RPUSD4: variants seen among roughly 807,000 people sequenced by gnomAD.
RPUSD4 encodes pseudouridylate synthase RPUSD4, mitochondrial.
In RPUSD4, 37 loss-of-function variants were observed where a neutral mutation model predicts 35.4. That is an observed-to-expected ratio of 1.04 (90% CI 0.80 to 1.37). The LOEUF (loss-of-function observed/expected upper bound fraction) is 1.37. RPUSD4 is among the 40% of genes most tolerant of loss of function. The pLI is 0.00. For missense variants in RPUSD4, 507 were observed against 484.9 expected, an observed-to-expected ratio of 1.05 and a Z score of -0.43; for synonymous variants, 210 against 192.7, an observed-to-expected ratio of 1.09 and a Z score of -0.74.
rs1404086529 is a variant in RPUSD4 at position 126,202,439 on chromosome 11, C to T, written c.*979G>A. ...GATTTTTGATTTTTTAATGGCAGCA[C>T]TCTCATAACTACATTCACGGACCAA... On this transcript the variant is annotated 3_prime_UTR_variant, in exon 7 of 7. Coordinates refer to ENST00000298317, the MANE Select transcript of RPUSD4 (RefSeq NM_032795.3). 6.6e-6 allele frequency: 1 copy of T among 152,166 alleles called. No homozygotes were observed. 9.4% of individuals were successfully genotyped at this position (152,166 alleles called of 1,614,324 possible).
chr11:126,204,238 G>T lies in RPUSD4; in HGVS notation c.887C>A (p.Ala296Asp). 6.2e-7 allele frequency: 1 copy of T among 1,611,974 alleles called. No individual in the cohort carries two copies. Among genetic ancestry groups the T allele is most frequent in the Non-Finnish European group, 8.5e-7 (1 of 1,178,530 alleles). Residue 296 changes from alanine (A) to aspartate (D), a missense_variant, in exon 6 of 7, where the codon GCC becomes GAC. Physicochemically the swap from Ala to Asp is moderately radical, Grantham distance 126. Coordinates refer to ENST00000298317, the MANE Select transcript of RPUSD4 (RefSeq NM_032795.3). ...DHKYSDWNRL[A>D]PQKLSVGTLK... ...GGGTCAAATTAGTATTACCTGGGGG[G>T]CCAACCTATTCCAGTCTGAGTACTT... is the stretch of plus-strand genomic sequence containing the variant.
At chr11:126,205,307 T>C (rs1263700951) in intron 5 of RPUSD4, among the ~76,000 whole-genome samples, 161 bp downstream of exon 5, 1 of 152,230 alleles carries the variant, frequency 6.6e-6, no homozygotes, top group Non-Finnish European at 1.5e-5. Context: ...ATTCTTCTGC[T>C]AGCCACAACC....
intron 3 of RPUSD4, chr11:126,208,987 A>C (rs1949808299): frequency 6.6e-6 from 1 of 152,168 alleles, no homozygotes; most frequent in Non-Finnish European, 1.5e-5. Flanking sequence ...TACTTGTATA[A>C]TTAATTAATT....
intron 3 of RPUSD4, among the ~76,000 whole-genome samples, chr11:126,207,936 A>C (rs1949790476): frequency 6.6e-6 from 1 of 152,228 alleles, no homozygotes; most frequent in African/African-American, 2.4e-5. Context: ...GTCTGTTCCC[A>C]AAAGGGAAAC....
chr11:126,209,634 C>T lies in RPUSD4; in HGVS notation c.444G>A (p.Leu148=). The change falls in exon 3 of 7, where the codon CTG becomes CTA. Residue 148 remains leucine (L), a synonymous_variant. Transcript: ENST00000298317. ...TGGTTTCCTTGTCCAGCCGGTGGCACAGATGCAAGGGCTCTGCCTTGTGGC... is the reference window on the plus strand; with the variant it reads ...TGGTTTCCTTGTCCAGCCGGTGGCATAGATGCAAGGGCTCTGCCTTGTGGC... ...LHGHKAEPLH[L]CHRLDKETTG... 1 of 1,614,218 alleles carries T rather than the reference C, an allele frequency of 6.2e-7. No individual in the cohort carries two copies. Among genetic ancestry groups the T allele is most frequent in the Non-Finnish European group, 8.5e-7 (1 of 1,180,030 alleles).
intron 3 of RPUSD4, 168 bp downstream of exon 3, chr11:126,209,353 A>G (rs953577263): frequency 1.6e-6 from 1 of 611,328 alleles, no homozygotes; most frequent in African/African-American, 1.9e-5. Flanking sequence ...CCACTGTTCT[A>G]TCAGACTTAA....
At position 126,203,170 on chromosome 11, in the gene RPUSD4, C is replaced by A; in HGVS notation, c.*248G>T. On this transcript the variant is annotated 3_prime_UTR_variant, in exon 7 of 7. Transcript: ENST00000298317. The stretch of plus-strand genomic sequence containing the variant: ...GCAATGAGAGCCCACGGCAGGGAGA[C>A]TTCCAGCAGGCTTTTCCACAGTGCA... 4.2e-6 allele frequency: 2 copies of A among 473,418 alleles called. No homozygotes were observed. Among genetic ancestry groups the A allele is most frequent in the East Asian group, 7.7e-5 (2 of 26,034 alleles). 29.3% of individuals were successfully genotyped at this position (473,418 alleles called of 1,614,324 possible). A position where few individuals can be genotyped will look rare whatever the true frequency, so the allele number is the denominator to read the frequency against.
chr11:126,207,487 G>A (rs1425461496), intron 3 of RPUSD4, among the ~76,000 whole-genome samples: 1 of 152,148 alleles, frequency 6.6e-6, no homozygotes, highest in Non-Finnish European at 1.5e-5. Context: ...TGCAAAATCT[G>A]TAATCTAAAA....
intron 3 of RPUSD4, 49 bp from the exon 4 acceptor site, chr11:126,205,830 C>T (rs1431927322): frequency 6.9e-7 from 1 of 1,456,256 alleles, no homozygotes; most frequent in African/African-American, 1.4e-5. Flanking sequence ...CAGAGAAGAA[C>T]TCCTAGATTT....
At chr11:126,205,127 A>T (rs1949757311) in intron 5 of RPUSD4, among the ~76,000 whole-genome samples, 1 of 152,238 alleles carries the variant, frequency 6.6e-6, no homozygotes. Flanking sequence ...CACTGGGATT[A>T]TCTTCACATT....
At position 126,205,449 on chromosome 11, in the gene RPUSD4, G is replaced by T; in HGVS notation, c.796+19C>A. ...GCACAGGGTTTTGTGATCCCACTGC[G>T]GAAAAGTGACACTCTCACCAGTGAT... On this transcript the variant is annotated intron_variant, in intron 5 of 6. Coordinates refer to ENST00000298317, the MANE Select transcript of RPUSD4 (RefSeq NM_032795.3). The T allele has an allele frequency of 6.2e-7, 1 of 1,613,822 alleles. No homozygotes were observed. Among genetic ancestry groups the T allele is most frequent in the South Asian group, 1.1e-5 (1 of 91,076 alleles).
At chr11:126,204,425 T>C in intron 5 of RPUSD4, 97 bp from the exon 6 acceptor site, 1 of 823,654 alleles carries the variant, frequency 1.2e-6, no homozygotes, top group Non-Finnish European at 1.9e-6. Flanking sequence ...TACATCAAAG[T>C]GCAGTAAACT....
intron 5 of RPUSD4, 79 bp downstream of exon 5, chr11:126,205,389 G>A: frequency 6.4e-7 from 1 of 1,559,660 alleles, no homozygotes; most frequent in South Asian, 1.2e-5. Flanking sequence ...CACACTACTA[G>A]CTGCTCAGAA....
chr11:126,205,989 A>G (rs1165241620), intron 3 of RPUSD4: 13 of 433,958 alleles, frequency 3.0e-5, no homozygotes, highest in Non-Finnish European at 4.9e-5. Context: ...AAAGTCATAC[A>G]TGCTAATTGT....
chr11:126,205,381 C>G, intron 5 of RPUSD4, 87 bp downstream of exon 5: 1 of 1,523,624 alleles, frequency 6.6e-7, no homozygotes, highest in Non-Finnish European at 9.0e-7. Flanking sequence ...AAGTCAGCCA[C>G]ACTACTAGCT....
In RPUSD4 at chr11:126,203,028, G is replaced by A. The variant is rs1340777367; in HGVS notation, c.*390C>T. On this transcript the variant is annotated 3_prime_UTR_variant, in exon 7 of 7. Transcript: ENST00000298317. ...TTTCCAACCACGGGAACCTTCCTAA[G>A]AGCTCAAGAGCTTCACTGCTGGATA... 1 of 201,842 alleles carries A rather than the reference G, an allele frequency of 5.0e-6. No individual in the cohort carries two copies. The highest frequency in any genetic ancestry group is 1.0e-5 in the Non-Finnish European group (1 of 97,238). 12.5% of individuals were successfully genotyped at this position (201,842 alleles called of 1,614,324 possible).
At chr11:126,209,967 C>T (rs972270101) in intron 2 of RPUSD4, among the ~76,000 whole-genome samples, 2 of 152,184 alleles carry the variant, frequency 1.3e-5, no homozygotes, top group Non-Finnish European at 2.9e-5. Flanking sequence ...GATTCAGAAG[C>T]ATATTAAAGT....
chr11:126,203,153 A>T lies in RPUSD4; in HGVS notation c.*265T>A, dbSNP rs1474432311. The T allele has an allele frequency of 1.2e-5, 5 of 417,480 alleles. No homozygotes were observed. The highest frequency in any genetic ancestry group is 2.2e-5 in the Non-Finnish European group (5 of 230,430). The allele number at this position is 417,480 out of a possible 1,614,324, so 25.9% of individuals were successfully genotyped here. On this transcript the variant is annotated 3_prime_UTR_variant, in exon 7 of 7. Transcript: ENST00000298317. Reference sequence around the variant, plus strand: ...GGCTCTGTTCCATATTGGCAATGAGAGCCCACGGCAGGGAGACTTCCAGCA... The same window carrying T: ...GGCTCTGTTCCATATTGGCAATGAGTGCCCACGGCAGGGAGACTTCCAGCA...
intron 5 of RPUSD4, 72 bp from the exon 6 acceptor site, chr11:126,204,400 T>C (rs761490945): frequency 7.1e-6 from 8 of 1,119,862 alleles, no homozygotes; most frequent in Non-Finnish European, 1.0e-5. Flanking sequence ...TATTGGCATC[T>C]GCTTCAAATC....
Sources: gnomAD v4.1 joint callset for allele counts (sites outside exome capture counted in the v4.1 genomes callset) on GRCh38, gnomAD v4.1.1 for gene constraint, MANE v1.5 for transcripts, NCBI Gene and HGNC (gene_info 2026-07-23, HGNC 2026-07-21) for gene names.